ADAMTS12: variants seen among roughly 807,000 people sequenced by gnomAD.
ADAMTS12 encodes ADAM metallopeptidase with thrombospondin type 1 motif 12, also known as A disintegrin and metalloproteinase with thrombospondin motifs 12.
Under a neutral mutation model 167.8 loss-of-function variants are expected in ADAMTS12, and 118 were observed. The observed-to-expected ratio is 0.70, with a 90% CI of 0.61 to 0.82. The LOEUF (loss-of-function observed/expected upper bound fraction) is 0.82, where lower values mean the gene tolerates loss of function less well. Ranked by LOEUF, ADAMTS12 falls within the 40% of genes least tolerant of loss-of-function variation. The probability of loss-of-function intolerance (pLI) is 0.00; values close to 1 mark genes in which losing one functional copy is unlikely to be tolerated. For missense variants in ADAMTS12, 1,916 were observed against 1,998.8 expected, an observed-to-expected ratio of 0.96 and a Z score of 0.79; for synonymous variants, 704 against 716.9, an observed-to-expected ratio of 0.98 and a Z score of 0.29.
At chr5:33,856,429 G>C (rs1749405201) in intron 2 of ADAMTS12, among the ~76,000 whole-genome samples, 1 of 152,078 alleles carries the variant, frequency 6.6e-6, no homozygotes, top group Non-Finnish European at 1.5e-5. Flanking sequence ...AGTCATGCAG[G>C]GAAGGCAGGT....
intron 2 of ADAMTS12, among the ~76,000 whole-genome samples, chr5:33,796,734 C>T (rs1746791847): frequency 6.6e-6 from 1 of 152,134 alleles, no homozygotes; most frequent in Non-Finnish European, 1.5e-5. Flanking sequence ...TGAGATCAAG[C>T]CTATGGCAAC....
Position 33,717,886 on chromosome 5 carries a change from T to C in ADAMTS12, c.634+33518A>G, listed in dbSNP as rs1003455765. Reference sequence around the variant, plus strand: ...CAATAGTAAGAAAAGAAAATGACATTGGAAGTGAAAGTCATTTTGTCATAG... The same window carrying C: ...CAATAGTAAGAAAAGAAAATGACATCGGAAGTGAAAGTCATTTTGTCATAG... On this transcript the variant is annotated intron_variant, in intron 3 of 23. Coordinates refer to ENST00000504830, the MANE Select transcript of ADAMTS12 (RefSeq NM_030955.4). 1.7e-4 allele frequency among the ~76,000 whole-genome samples: 26 copies of C among 152,272 alleles called. No homozygotes were observed. The Middle Eastern group carries it at 0.01, about 60-fold the overall frequency.
chr5:33,832,493 C>A (rs1267949368), intron 2 of ADAMTS12, among the ~76,000 whole-genome samples: 1 of 152,136 alleles, frequency 6.6e-6, no homozygotes, highest in Non-Finnish European at 1.5e-5. Flanking sequence ...GTCTCAAGCA[C>A]AAAATTGAAT....
intron 3 of ADAMTS12, among the ~76,000 whole-genome samples, chr5:33,720,590 A>T (rs1743775465): frequency 1.3e-5 from 2 of 152,210 alleles, no homozygotes; most frequent in African/African-American, 4.8e-5. Context: ...CAGCAACAGT[A>T]TTGGTTCTAC....
intron 18 of ADAMTS12, among the ~76,000 whole-genome samples, chr5:33,580,807 G>T (rs939742278): frequency 3.4e-4 from 51 of 152,196 alleles, no homozygotes; most frequent in African/African-American, 1.2e-3. Flanking sequence ...GACTTCTCTT[G>T]GAAAAGCTGA....
chr5:33,533,467 T>G (rs1336411753), intron 23 of ADAMTS12, among the ~76,000 whole-genome samples: 1 of 152,148 alleles, frequency 6.6e-6, no homozygotes, highest in African/African-American at 2.4e-5. Flanking sequence ...TCTAATTAGG[T>G]AGGTCTAGAG....
chr5:33,560,212 G>C (rs1745672430), intron 20 of ADAMTS12, among the ~76,000 whole-genome samples: 1 of 152,182 alleles, frequency 6.6e-6, no homozygotes, highest in South Asian at 2.1e-4. Context: ...GTACTTCTAA[G>C]ACTTTTGTGT....
chr5:33,711,126 A>T (rs1743387935), intron 3 of ADAMTS12, among the ~76,000 whole-genome samples: 1 of 152,134 alleles, frequency 6.6e-6, no homozygotes. Flanking sequence ...CTTTATCACC[A>T]GCTCGGGACC....
chr5:33,786,459 A>AG (rs1267621641), intron 2 of ADAMTS12, among the ~76,000 whole-genome samples: 1 of 136,056 alleles, frequency 7.3e-6, no homozygotes, highest in African/African-American at 2.9e-5. Flanking sequence ...TCATCTAAGA[A>AG]GCTTTTTTTT....
chr5:33,538,967 A>C (rs1561109652), intron 22 of ADAMTS12, among the ~76,000 whole-genome samples: 1 of 152,048 alleles, frequency 6.6e-6, no homozygotes, highest in Non-Finnish European at 1.5e-5. Flanking sequence ...TCTGAGATGG[A>C]GTCTTGCTCT....
chr5:33,812,788 G>T (rs1392514187), intron 2 of ADAMTS12, among the ~76,000 whole-genome samples: 2 of 152,118 alleles, frequency 1.3e-5, no homozygotes, highest in Non-Finnish European at 2.9e-5. Context: ...TGGATATTAG[G>T]CTTGTTTTCA....
At chr5:33,724,604 T>G (rs1743909880) in intron 3 of ADAMTS12, among the ~76,000 whole-genome samples, 1 of 151,552 alleles carries the variant, frequency 6.6e-6, no homozygotes, top group South Asian at 2.1e-4. Context: ...CAGGTTGGAC[T>G]GCAGCGGCGC....
intron 2 of ADAMTS12, among the ~76,000 whole-genome samples, chr5:33,818,420 CCTT>C (rs1465262517): frequency 6.6e-6 from 1 of 152,068 alleles, no homozygotes; most frequent in Non-Finnish European, 1.5e-5. Flanking sequence ...GGCAGGATCT[CCTT>C]CTTTTTTAAG....
rs145214580 is a variant in ADAMTS12, at chr5:33,576,305, T to C, written c.3721A>G (p.Thr1241Ala). ...AGCAGAGTGTTGGCTGGCTTTTCAGTAACCATCCCCTCAACTCTGGGTGTC... is the reference window on the plus strand; with the variant it reads ...AGCAGAGTGTTGGCTGGCTTTTCAGCAACCATCCCCTCAACTCTGGGTGTC... ...TGTPRVEGMV[T>A]EKPANTLLPL... The change falls in exon 19 of 24, where the codon ACT becomes GCT. Residue 1241 changes from threonine to alanine, a missense_variant. Thr to Ala is a moderately conservative substitution (Grantham distance 58). Coordinates refer to ENST00000504830, the MANE Select transcript of ADAMTS12 (RefSeq NM_030955.4). 548 of 1,614,174 alleles carry C rather than the reference T, an allele frequency of 3.4e-4. 2 individuals carry two copies. In the African/African-American group the frequency reaches 6.2e-3, roughly 18 times the overall value.
intron 3 of ADAMTS12, among the ~76,000 whole-genome samples, chr5:33,741,396 C>CTGGA (rs1226554194): frequency 2.0e-5 from 3 of 152,236 alleles, no homozygotes; most frequent in African/African-American, 7.2e-5. Context: ...ATGCTTGCGT[C>CTGGA]CAGATTTCTT....
chr5:33,711,839 T>C (rs1743415150), intron 3 of ADAMTS12, among the ~76,000 whole-genome samples: 1 of 152,206 alleles, frequency 6.6e-6, no homozygotes, highest in African/African-American at 2.4e-5. Context: ...AGAAAGCAGA[T>C]CACTGATCAC....
intron 19 of ADAMTS12, among the ~76,000 whole-genome samples, chr5:33,564,349 G>A (rs943578536): frequency 1.3e-5 from 2 of 152,214 alleles, no homozygotes; most frequent in Non-Finnish European, 2.9e-5. Context: ...AGCTGTTGAA[G>A]CTTAGCATGG....
intron 2 of ADAMTS12, among the ~76,000 whole-genome samples, chr5:33,876,166 G>A (rs1750217483): frequency 6.6e-6 from 1 of 152,066 alleles, no homozygotes. Context: ...AATAAATCAA[G>A]ACACATACCA....
chr5:33,574,593 G>A (rs1433005705), intron 19 of ADAMTS12, among the ~76,000 whole-genome samples: 2 of 124,440 alleles, frequency 1.6e-5, no homozygotes, highest in Non-Finnish European at 3.2e-5. Flanking sequence ...TCTGGGGACT[G>A]TTGTGGGGTG....
Sources: allele counts gnomAD v4.1 joint callset (sites outside exome capture counted in the v4.1 genomes callset), GRCh38; gene constraint gnomAD v4.1.1; transcripts MANE v1.5; gene names NCBI Gene and HGNC (gene_info 2026-07-23, HGNC 2026-07-21).